Variants in DPP10 observed in about 807,000 individuals in gnomAD.
The protein encoded by DPP10 is dipeptidyl peptidase like 10.
DPP10 carries 33 observed loss-of-function variants against 120.9 expected under a neutral mutation model. That is an observed-to-expected ratio of 0.27 (90% CI 0.21 to 0.37). The LOEUF is 0.37. Ranked by LOEUF, DPP10 falls within the 10% of genes least tolerant of loss-of-function variation. The probability of loss-of-function intolerance (pLI) is 1.00; values close to 1 mark genes in which losing one functional copy is unlikely to be tolerated. For missense variants in DPP10, 816 were observed against 942.8 expected, an observed-to-expected ratio of 0.87 and a Z score of 1.76; for synonymous variants, 337 against 326.1, an observed-to-expected ratio of 1.03 and a Z score of -0.36.
chr2:115,199,609 A>G (rs191506292), intron 1 of DPP10, among the ~76,000 whole-genome samples: 1 of 152,264 alleles, frequency 6.6e-6, no homozygotes, highest in East Asian at 1.9e-4. Flanking sequence ...ATACCTACTT[A>G]CCAAAAGAAT....
At chr2:114,484,012 C>A (rs528898428) in intron 1 of DPP10, among the ~76,000 whole-genome samples, 2 of 152,198 alleles carry the variant, frequency 1.3e-5, no homozygotes, top group East Asian at 3.9e-4. Context: ...TGAGTCCGAG[C>A]CCTTTGTGTC....
chr2:114,665,131 TC>T (rs1329255651), intron 1 of DPP10, among the ~76,000 whole-genome samples: 2 of 152,164 alleles, frequency 1.3e-5, no homozygotes, highest in African/African-American at 4.8e-5. Flanking sequence ...AACATAGTGG[TC>T]AAGGAAAAAA....
chr2:115,644,754 G>A (rs1451887470), intron 5 of DPP10, among the ~76,000 whole-genome samples: 1 of 152,114 alleles, frequency 6.6e-6, no homozygotes, highest in Non-Finnish European at 1.5e-5. Flanking sequence ...CTGCACTCCA[G>A]CCAAGGTGAC....
chr2:115,230,044 G>A (rs530115611), intron 1 of DPP10, among the ~76,000 whole-genome samples: 92 of 151,718 alleles, frequency 6.1e-4, no homozygotes, highest in Middle Eastern at 6.8e-3. Context: ...GATTCTTCGA[G>A]CCCATGAACA....
intron 1 of DPP10, among the ~76,000 whole-genome samples, chr2:114,508,689 T>C (rs1683881317): frequency 1.3e-5 from 2 of 151,970 alleles, no homozygotes; most frequent in South Asian, 4.2e-4. Context: ...GTGATGATAA[T>C]GAGAGTAATA....
At chr2:114,858,172 T>A (rs1689517958) in intron 1 of DPP10, among the ~76,000 whole-genome samples, 1 of 152,256 alleles carries the variant, frequency 6.6e-6, no homozygotes, top group South Asian at 2.1e-4. Context: ...TGTATTTTAG[T>A]AGAGGCAGGG....
chr2:114,911,022 A>G (rs1694325652), intron 1 of DPP10, among the ~76,000 whole-genome samples: 1 of 152,140 alleles, frequency 6.6e-6, no homozygotes, highest in South Asian at 2.1e-4. Flanking sequence ...CTCATTAAGT[A>G]GATAGTAAGT....
chr2:114,581,157 T>A (rs1179166629), intron 1 of DPP10, among the ~76,000 whole-genome samples: 1 of 148,190 alleles, frequency 6.7e-6, no homozygotes, highest in Non-Finnish European at 1.5e-5. Context: ...AAAACATCAT[T>A]TTCTTTTTTT....
At chr2:115,034,980 T>G (rs1704123466) in intron 1 of DPP10, among the ~76,000 whole-genome samples, 1 of 152,208 alleles carries the variant, frequency 6.6e-6, no homozygotes, top group Non-Finnish European at 1.5e-5. Context: ...CTGTGATAAG[T>G]TCATGTAATT....
At chr2:114,456,733 A>T (rs1049613203) in intron 1 of DPP10, among the ~76,000 whole-genome samples, 2 of 152,264 alleles carry the variant, frequency 1.3e-5, no homozygotes, top group East Asian at 1.9e-4. Flanking sequence ...TATTTCAGGC[A>T]TTTAAAGTAC....
intron 1 of DPP10, among the ~76,000 whole-genome samples, chr2:115,168,470 G>A (rs76190050): frequency 0.041 from 6,312 of 152,232 alleles, 435 homozygotes; most frequent in African/African-American, 0.14. Context: ...TTGCTCTAGT[G>A]AATGCTGTCC....
chr2:115,680,325 A>G (rs1357187252), intron 5 of DPP10, among the ~76,000 whole-genome samples: 1 of 152,040 alleles, frequency 6.6e-6, no homozygotes, highest in African/African-American at 2.4e-5. Flanking sequence ...CAAAATATGA[A>G]AATGTATTAG....
intron 1 of DPP10, among the ~76,000 whole-genome samples, chr2:115,007,945 A>C (rs976030022): frequency 1.3e-5 from 2 of 152,214 alleles, no homozygotes; most frequent in African/African-American, 4.8e-5. Flanking sequence ...AACAAATGGA[A>C]GAACATTCCA....
intron 1 of DPP10, among the ~76,000 whole-genome samples, chr2:115,117,099 A>T (rs1277733621): frequency 6.6e-6 from 1 of 152,164 alleles, no homozygotes; most frequent in Non-Finnish European, 1.5e-5. Flanking sequence ...AAACTCGTAC[A>T]CTTCCTGTTT....
intron 3 of DPP10, among the ~76,000 whole-genome samples, chr2:115,399,877 A>T (rs1273995824): frequency 6.6e-6 from 1 of 150,832 alleles, no homozygotes; most frequent in Non-Finnish European, 1.5e-5. Flanking sequence ...AATATATGAG[A>T]TGGGGTCATT....
chr2:115,067,454 G>T (rs56403158), intron 1 of DPP10, among the ~76,000 whole-genome samples: 13,897 of 150,254 alleles, frequency 0.092, 912 homozygotes, highest in Non-Finnish European at 0.13. Context: ...GGGTTTCACC[G>T]TGTTAGCCAG....
chr2:115,343,397 C>T (rs961808478), intron 2 of DPP10, among the ~76,000 whole-genome samples: 1 of 152,102 alleles, frequency 6.6e-6, no homozygotes, highest in Non-Finnish European at 1.5e-5. Context: ...ACATAAGTCC[C>T]TCAAGTCTAC....
At position 115,614,862 on chromosome 2, in the gene DPP10, CT is replaced by C. The variant is rs146210970; in HGVS notation, c.442-74824del. 3.9e-4 allele frequency among the ~76,000 whole-genome samples: 59 copies of C among 152,210 alleles called. 1 individual carries two copies. Among genetic ancestry groups the C allele is most frequent in the African/African-American group, 1.2e-3 (51 of 41,512 alleles). The stretch of plus-strand genomic sequence containing the variant: ...ATTTTTACCTGGGTAGCAGTGAATC[CT>C]GGATACACAGAAATATAATATAATA... On this transcript the variant is annotated intron_variant, in intron 5 of 25. Transcript: ENST00000410059.
intron 3 of DPP10, among the ~76,000 whole-genome samples, chr2:115,390,993 A>T (rs2067279772): frequency 6.6e-6 from 1 of 152,126 alleles, no homozygotes; most frequent in African/African-American, 2.4e-5. Context: ...AGATCCTAGT[A>T]TTGGTGTATG....
Sources: allele counts gnomAD v4.1 joint callset (sites outside exome capture counted in the v4.1 genomes callset), GRCh38; gene constraint gnomAD v4.1.1; transcripts MANE v1.5; gene names NCBI Gene and HGNC (gene_info 2026-07-23, HGNC 2026-07-21).